Variants in ANGPT1 observed in about 807,000 individuals in gnomAD.
ANGPT1 encodes angiopoietin 1.
A neutral mutation model predicts 62.2 loss-of-function variants in ANGPT1; 17 were observed. That is an observed-to-expected ratio of 0.27 (90% CI 0.19 to 0.41). The LOEUF is 0.41. Ranked by LOEUF, ANGPT1 falls within the 10% of genes least tolerant of loss-of-function variation. ANGPT1 has a pLI of 1.00. For synonymous variants in ANGPT1, 199 were observed against 198.9 expected (o/e 1.00, Z 0.00); for missense variants, 478 against 594.9 (o/e 0.80, Z 2.04).
At chr8:107,465,605 G>C (rs1008063424) in intron 1 of ANGPT1, among the ~76,000 whole-genome samples, 6 of 152,214 alleles carry the variant, frequency 3.9e-5, no homozygotes, top group Non-Finnish European at 5.9e-5. Flanking sequence ...AATACACACT[G>C]AATGACAAGT....
At chr8:107,300,304 A>G (rs1814556828) in intron 5 of ANGPT1, among the ~76,000 whole-genome samples, 1 of 151,520 alleles carries the variant, frequency 6.6e-6, no homozygotes, top group African/African-American at 2.4e-5. Flanking sequence ...TACCAGTGCT[A>G]TGCTATGCAA....
intron 1 of ANGPT1, among the ~76,000 whole-genome samples, chr8:107,484,311 A>G (rs1300868261): frequency 6.6e-6 from 1 of 152,220 alleles, no homozygotes; most frequent in Admixed American, 6.5e-5. Context: ...AGTGGGTTTG[A>G]TAATACCTGC....
At chr8:107,390,706 A>C (rs188660078) in intron 1 of ANGPT1, among the ~76,000 whole-genome samples, 1 of 152,328 alleles carries the variant, frequency 6.6e-6, no homozygotes, top group Admixed American at 6.5e-5. Context: ...CATTATTTAA[A>C]ATATTTTACA....
chr8:107,313,481 C>A, intron 4 of ANGPT1, among the ~76,000 whole-genome samples: 1 of 117,100 alleles, frequency 8.5e-6, no homozygotes, highest in East Asian at 2.6e-4. Context: ...GCTCTGTCGC[C>A]CAGGCTGGAG....
At chr8:107,288,864 C>T (rs981408086) in intron 6 of ANGPT1, among the ~76,000 whole-genome samples, 1 of 152,060 alleles carries the variant, frequency 6.6e-6, no homozygotes, top group Non-Finnish European at 1.5e-5. Context: ...CCAAAATAGG[C>T]TTACACATTA....
chr8:107,380,400 A>G (rs1327529958), intron 1 of ANGPT1, among the ~76,000 whole-genome samples: 1 of 149,778 alleles, frequency 6.7e-6, no homozygotes, highest in Non-Finnish European at 1.5e-5. Flanking sequence ...CTGCACAAAA[A>G]CACATCTGAC....
intron 1 of ANGPT1, among the ~76,000 whole-genome samples, chr8:107,420,117 G>A (rs184832598): frequency 6.6e-6 from 1 of 152,208 alleles, no homozygotes; most frequent in Non-Finnish European, 1.5e-5. Context: ...TTTGTTCATT[G>A]ATAATTGCCT....
chr8:107,484,487 G>T (rs1237426989), intron 1 of ANGPT1, among the ~76,000 whole-genome samples: 2 of 151,926 alleles, frequency 1.3e-5, no homozygotes, highest in Admixed American at 1.3e-4. Context: ...CTGCAGCCTC[G>T]ACCTCCCGGG....
chr8:107,339,740 A>G (rs752789094), intron 2 of ANGPT1, among the ~76,000 whole-genome samples: 3 of 152,198 alleles, frequency 2.0e-5, no homozygotes, highest in Admixed American at 6.5e-5. Context: ...TGCAGCGCTC[A>G]TAGCTGAGTT....
chr8:107,266,599 T>G lies in ANGPT1; in HGVS notation c.1206-2248A>C, dbSNP rs893323370. On this transcript the variant is annotated intron_variant, in intron 7 of 8. Transcript: ENST00000517746. ...GGGAGAGTTTAGCCCATAGGCGCTCTTGAATGAGCAATGGCAATTTTAACT... is the reference window on the plus strand; with the variant it reads ...GGGAGAGTTTAGCCCATAGGCGCTCGTGAATGAGCAATGGCAATTTTAACT... 2.0e-5 allele frequency among the ~76,000 whole-genome samples: 3 copies of G among 152,368 alleles called. No individual in the cohort carries two copies. The South Asian group carries it at 6.2e-4, about 32-fold the overall frequency.
intron 1 of ANGPT1, among the ~76,000 whole-genome samples, chr8:107,449,514 C>T (rs1351273316): frequency 6.6e-6 from 1 of 151,836 alleles, no homozygotes; most frequent in Non-Finnish European, 1.5e-5. Flanking sequence ...GGGGCTCAAA[C>T]ATGATGGAAC....
At chr8:107,279,872 G>A (rs1813959662) in intron 7 of ANGPT1, among the ~76,000 whole-genome samples, 3 of 152,044 alleles carry the variant, frequency 2.0e-5, no homozygotes, top group Admixed American at 6.6e-5. Context: ...AGAGTGCTAC[G>A]GGTCAATGGG....
intron 7 of ANGPT1, among the ~76,000 whole-genome samples, chr8:107,265,508 T>C (rs997800051): frequency 6.6e-6 from 1 of 152,218 alleles, no homozygotes; most frequent in African/African-American, 2.4e-5. Context: ...TAAACTGAAG[T>C]TGTCGTATCG....
intron 4 of ANGPT1, among the ~76,000 whole-genome samples, chr8:107,310,815 A>G (rs776896087): frequency 1.4e-4 from 22 of 152,160 alleles, no homozygotes; most frequent in Admixed American, 3.9e-4. Context: ...TATTATTCTC[A>G]TAAGCCTGGT....
At chr8:107,469,209 T>C (rs182471792) in intron 1 of ANGPT1, among the ~76,000 whole-genome samples, 25 of 152,148 alleles carry the variant, frequency 1.6e-4, no homozygotes, top group Admixed American at 1.4e-3. Context: ...GAATGCAAAG[T>C]ACATTTTTAG....
intron 1 of ANGPT1, among the ~76,000 whole-genome samples, chr8:107,474,757 T>G (rs1421515207): frequency 2.0e-5 from 3 of 152,168 alleles, no homozygotes; most frequent in African/African-American, 7.2e-5. Context: ...AAAATCAATG[T>G]ACAAAAATCA....
At chr8:107,316,230 C>A (rs1441250649) in intron 4 of ANGPT1, among the ~76,000 whole-genome samples, 2 of 152,122 alleles carry the variant, frequency 1.3e-5, no homozygotes, top group Admixed American at 1.3e-4. Context: ...CTTACTATTT[C>A]TTTCCTAGAG....
intron 6 of ANGPT1, among the ~76,000 whole-genome samples, chr8:107,288,600 C>T (rs1814200663): frequency 6.6e-6 from 1 of 152,028 alleles, no homozygotes; most frequent in South Asian, 2.1e-4. Flanking sequence ...AAAGGTTGCA[C>T]ATGTAAGTCT....
intron 6 of ANGPT1, among the ~76,000 whole-genome samples, chr8:107,285,933 GGGTTGTTTTGAAA>G (rs1210899717): frequency 1.3e-5 from 2 of 152,042 alleles, no homozygotes; most frequent in African/African-American, 4.8e-5. Context: ...CATTCCAATA[GGGTTGTTTTGAAA>G]TTCAAAGAAA....
Sources: allele counts gnomAD v4.1 joint callset (sites outside exome capture counted in the v4.1 genomes callset), GRCh38; gene constraint gnomAD v4.1.1; transcripts MANE v1.5; gene names NCBI Gene and HGNC (gene_info 2026-07-23, HGNC 2026-07-21).